The following MYLIP variants were observed in gnomAD, a reference collection of about 807,000 sequenced individuals.
The protein encoded by MYLIP is myosin regulatory light chain interacting protein, also known as E3 ubiquitin-protein ligase MYLIP.
Under a neutral mutation model 45.8 loss-of-function variants are expected in MYLIP, and 26 were observed. That is an observed-to-expected ratio of 0.57 (90% CI 0.42 to 0.79). The LOEUF (loss-of-function observed/expected upper bound fraction) is 0.79, where lower values mean the gene tolerates loss of function less well. Among genes scored for constraint, MYLIP ranks in the 30% least tolerant of loss-of-function variants. The probability of loss-of-function intolerance (pLI) is 0.00; values close to 1 mark genes in which losing one functional copy is unlikely to be tolerated. For missense variants in MYLIP, 494 were observed against 555.6 expected (o/e 0.89, Z 1.11); for synonymous variants, 213 against 218.1 (o/e 0.98, Z 0.21).
chr6:16,162,246 T>G, the MYLIP span, among the ~76,000 whole-genome samples: 2 of 152,184 alleles, frequency 1.3e-5, no homozygotes, highest in African/African-American at 4.8e-5. Context: ...TATTAATAAA[T>G]TCGTACTGTT....
chr6:16,130,054 C>A (rs1251504812), intron 1 of MYLIP, among the ~76,000 whole-genome samples: 1 of 152,180 alleles, frequency 6.6e-6, no homozygotes, highest in Non-Finnish European at 1.5e-5. Flanking sequence ...CACATGTGAT[C>A]CCAGGAAAAC....
the MYLIP span, among the ~76,000 whole-genome samples, chr6:16,153,645 G>C: frequency 6.6e-6 from 1 of 152,310 alleles, no homozygotes; most frequent in East Asian, 1.9e-4. Flanking sequence ...AAAGTCCTTT[G>C]TGTTCAACAC....
Position 16,129,610 on chromosome 6 carries a change from G to C in MYLIP, c.87+201G>C, listed in dbSNP as rs959962700. Among the ~76,000 whole-genome samples the C allele has an allele frequency of 6.6e-6, 1 of 152,168 alleles. No homozygotes were observed. Among genetic ancestry groups the C allele is most frequent in the African/African-American group, 2.4e-5 (1 of 41,470 alleles). Reference sequence around the variant, plus strand: ...CGCGCGTGGGGTGCGCGGAGAAAGCGCGCAGCGGGGGTCCCCAGCGCTGAG... The same window carrying C: ...CGCGCGTGGGGTGCGCGGAGAAAGCCCGCAGCGGGGGTCCCCAGCGCTGAG... On this transcript the variant is annotated intron_variant, in intron 1 of 6. Coordinates refer to ENST00000356840, the MANE Select transcript of MYLIP (RefSeq NM_013262.4). The surrounding 1 kb of genome is among the most constrained non-coding windows in gnomAD (Gnocchi z 5.1).
At chr6:16,143,923 A>G in intron 5 of MYLIP, 60 bp downstream of exon 5, 4 of 1,556,726 alleles carry the variant, frequency 2.6e-6, no homozygotes, top group Non-Finnish European at 1.7e-6. Flanking sequence ...TTAGGTGACA[A>G]CCAGGTTTCT....
At chr6:16,160,529 C>A in the MYLIP span, among the ~76,000 whole-genome samples, 1 of 152,106 alleles carries the variant, frequency 6.6e-6, no homozygotes. Context: ...GGGCCGGGTG[C>A]GATGGCTCAC....
intron 2 of MYLIP, among the ~76,000 whole-genome samples, chr6:16,139,614 C>G (rs966108387): frequency 6.6e-6 from 1 of 152,174 alleles, no homozygotes; most frequent in African/African-American, 2.4e-5. Context: ...CCTTTTGAGG[C>G]CTGCAACAGT....
intron 1 of MYLIP, 50 bp from the exon 2 acceptor site, chr6:16,130,507 C>T: frequency 6.3e-7 from 1 of 1,579,494 alleles, no homozygotes; most frequent in South Asian, 1.1e-5. Flanking sequence ...GTTGGGTTTG[C>T]TTTGATACGT....
intron 3 of MYLIP, 124 bp downstream of exon 3, chr6:16,141,934 T>C: frequency 1.1e-6 from 1 of 870,338 alleles, no homozygotes; most frequent in Non-Finnish European, 1.7e-6. Flanking sequence ...AGCTCTCTGA[T>C]GTTCGAGGCA....
At chr6:16,154,238 C>T in the MYLIP span, among the ~76,000 whole-genome samples, 9 of 152,122 alleles carry the variant, frequency 5.9e-5, no homozygotes, top group Non-Finnish European at 1.3e-4. Flanking sequence ...CGAATAGTTG[C>T]GACTACAGGA....
chr6:16,143,294 G>T, intron 4 of MYLIP, 77 bp downstream of exon 4: 1 of 1,409,802 alleles, frequency 7.1e-7, no homozygotes, highest in Non-Finnish European at 1.0e-6. Context: ...AAAATAGGAA[G>T]GGATTTACTC....
At position 16,145,302 on chromosome 6, in the gene MYLIP, C is replaced by A; in HGVS notation, c.1233C>A (p.Cys411Ter). 6.3e-7 allele frequency: 1 copy of A among 1,590,044 alleles called. No homozygotes were observed. The change falls in exon 6 of 7, where the codon TGC (cysteine) becomes TGA (stop). Residue 411 changes from cysteine to a stop codon, truncating the protein, a stop_gained. Transcript: ENST00000356840. LOFTEE classifies it high-confidence loss of function. ...GCCACACTGTGTGCTGTGAGAGCTG[C>A]GCCGCCCAGCTACAGGTAGGGGAGT... ...PCGHTVCCES[C>*]AAQLQSCPVC...
chr6:16,156,259 G>A, the MYLIP span, among the ~76,000 whole-genome samples: 8 of 152,194 alleles, frequency 5.3e-5, no homozygotes, highest in African/African-American at 1.4e-4. Flanking sequence ...CTCACTTTGA[G>A]CCACAGGATT....
At chr6:16,146,515 G>T in intron 6 of MYLIP, 147 bp from the exon 7 acceptor site, 2 of 625,238 alleles carry the variant, frequency 3.2e-6, no homozygotes, top group Non-Finnish European at 5.7e-6. Context: ...AGACGGCAAA[G>T]ATCTCTACCA....
chr6:16,129,795 C>T lies in MYLIP; in HGVS notation c.87+386C>T, dbSNP rs899048425. 1.3e-5 allele frequency among the ~76,000 whole-genome samples: 2 copies of T among 152,230 alleles called. No homozygotes were observed. The highest frequency in any genetic ancestry group is 2.4e-5 in the African/African-American group (1 of 41,474). ...GGCGCCTGGCAGTGCCACCCGCGTG[C>T]CAGGATGGGATGGAGTGGCTCGAAG... On this transcript the variant is annotated intron_variant, in intron 1 of 6. Coordinates refer to ENST00000356840, the MANE Select transcript of MYLIP (RefSeq NM_013262.4). This position sits in a 1 kb window ranked among gnomAD's most constrained non-coding sequence, Gnocchi z 5.1.
In MYLIP at chr6:16,143,096, G is replaced by A. The variant is rs1442025986; in HGVS notation, c.541G>A (p.Ala181Thr). Residue 181 changes from alanine to threonine, a missense_variant, in exon 4 of 7, where the codon GCA becomes ACA. Physicochemically the swap from Ala to Thr is moderately conservative, Grantham distance 58. Transcript: ENST00000356840. Reference protein sequence around the residue: ...AEYQVLQIVSAMENYGIEWHS... With the variant: ...AEYQVLQIVSTMENYGIEWHS... ...ATACCAAGTTTTGCAGATTGTGTCGGCAATGGAAAACTATGGCATAGAATG... is the reference window on the plus strand; with the variant it reads ...ATACCAAGTTTTGCAGATTGTGTCGACAATGGAAAACTATGGCATAGAATG... The A allele has an allele frequency of 2.5e-6, 4 of 1,614,094 alleles. No homozygotes were observed. The African/African-American group carries it at 4.0e-5, about 16-fold the overall frequency.
intron 3 of MYLIP, among the ~76,000 whole-genome samples, chr6:16,142,419 A>G (rs1402619091): frequency 6.6e-6 from 1 of 152,232 alleles, no homozygotes; most frequent in African/African-American, 2.4e-5. Context: ...GAGATCTAAC[A>G]TAGGCATTTT....
chr6:16,134,934 G>A (rs941922455), intron 2 of MYLIP, among the ~76,000 whole-genome samples: 10 of 152,148 alleles, frequency 6.6e-5, no homozygotes, highest in African/African-American at 2.4e-4. Context: ...ATTCAAGGAA[G>A]GTTTTTAAAA....
chr6:16,139,842 A>G (rs1296897208), intron 2 of MYLIP, among the ~76,000 whole-genome samples: 1 of 152,210 alleles, frequency 6.6e-6, no homozygotes, highest in African/African-American at 2.4e-5. Context: ...TGATTTCTTT[A>G]CACGGGCTTT....
Position 16,129,463 on chromosome 6 carries a change from C to G in MYLIP, c.87+54C>G. 1 of 1,512,726 alleles carries G rather than the reference C, an allele frequency of 6.6e-7. No individual in the cohort carries two copies. 93.7% of individuals were successfully genotyped at this position (1,512,726 alleles called of 1,614,324 possible). A position where few individuals can be genotyped will look rare whatever the true frequency, so the allele number is the denominator to read the frequency against. ...GGCGGGTCCCGCGAGGCCGAGGGGC[C>G]TCGCAGCGACGCCTGGCACTCTGGC... On this transcript the variant is annotated intron_variant, in intron 1 of 6. Transcript: ENST00000356840. This position sits in a 1 kb window ranked among gnomAD's most constrained non-coding sequence, Gnocchi z 5.1.
Sources: allele counts gnomAD v4.1 joint callset (sites outside exome capture counted in the v4.1 genomes callset), GRCh38; gene constraint gnomAD v4.1.1; non-coding constraint Gnocchi (gnomAD v3.1); transcripts MANE v1.5; gene names NCBI Gene and HGNC (gene_info 2026-07-23, HGNC 2026-07-21).